SYN3: variants seen among roughly 807,000 people sequenced by gnomAD.
SYN3 encodes synapsin III, also known as synapsin-3.
In SYN3, 35 loss-of-function variants were observed where a neutral mutation model predicts 65.8. The ratio of observed to expected loss-of-function variants is 0.53; its 90% CI spans 0.41 to 0.70. The LOEUF is 0.70. Ranked by LOEUF, SYN3 falls within the 30% of genes least tolerant of loss-of-function variation. The pLI is 0.00. For missense variants in SYN3, 680 were observed against 749.0 expected, an observed-to-expected ratio of 0.91 and a Z score of 1.08; for synonymous variants, 270 against 292.9, an observed-to-expected ratio of 0.92 and a Z score of 0.80.
At chr22:32,521,734 C>T (rs1164876789) in intron 12 of SYN3, among the ~76,000 whole-genome samples, 2 of 152,134 alleles carry the variant, frequency 1.3e-5, no homozygotes, top group Non-Finnish European at 2.9e-5. Flanking sequence ...GTGTGAGTCA[C>T]CGCGCCCAGC....
At chr22:32,539,459 T>C (rs1186738101) in intron 8 of SYN3, among the ~76,000 whole-genome samples, 2 of 151,896 alleles carry the variant, frequency 1.3e-5, no homozygotes, top group South Asian at 2.1e-4. Flanking sequence ...TTTAGCTTCA[T>C]AGGGATGTGG....
At chr22:32,703,077 G>C (rs909458214) in intron 6 of SYN3, among the ~76,000 whole-genome samples, 14 of 151,904 alleles carry the variant, frequency 9.2e-5, no homozygotes, top group African/African-American at 3.4e-4. Context: ...TCACTTCTTG[G>C]GTCTCCTTAA....
rs1191044711 is a variant in SYN3, at chr22:32,927,081, G to C, written c.461+4309C>G. ...GTCACTCAGTAGGCTCAAGGCAATGGCTATTTACCTACCGGTATAGAAAAG... is the reference window on the plus strand; with the variant it reads ...GTCACTCAGTAGGCTCAAGGCAATGCCTATTTACCTACCGGTATAGAAAAG... On this transcript the variant is annotated intron_variant, in intron 4 of 13. Transcript: ENST00000358763. 2.6e-5 allele frequency among the ~76,000 whole-genome samples: 4 copies of C among 152,032 alleles called. No homozygotes were observed. In the East Asian group the frequency reaches 7.7e-4, roughly 29 times the overall value.
At chr22:32,724,306 G>A (rs563380236) in intron 6 of SYN3, among the ~76,000 whole-genome samples, 3 of 152,200 alleles carry the variant, frequency 2.0e-5, no homozygotes, top group Non-Finnish European at 4.4e-5. Flanking sequence ...TGCCCAGGGT[G>A]GCCTCAAACT....
intron 6 of SYN3, among the ~76,000 whole-genome samples, chr22:32,816,532 T>G (rs2047091944): frequency 6.6e-6 from 1 of 152,132 alleles, no homozygotes; most frequent in Non-Finnish European, 1.5e-5. Context: ...TTATTTTTGG[T>G]GAGGAGAACA....
At chr22:33,034,830 A>G (rs766179108) in intron 1 of SYN3, among the ~76,000 whole-genome samples, 2 of 152,110 alleles carry the variant, frequency 1.3e-5, no homozygotes, top group Non-Finnish European at 2.9e-5. Flanking sequence ...TGTCTAGTCT[A>G]TCTCGAGATG....
At chr22:32,749,461 G>A (rs946961180) in intron 6 of SYN3, among the ~76,000 whole-genome samples, 2 of 152,118 alleles carry the variant, frequency 1.3e-5, no homozygotes, top group Non-Finnish European at 2.9e-5. Flanking sequence ...CCAAGATGGT[G>A]AAACCCCGTC....
chr22:32,764,313 C>T (rs1349277644), intron 6 of SYN3, among the ~76,000 whole-genome samples: 4 of 152,146 alleles, frequency 2.6e-5, no homozygotes, highest in African/African-American at 7.2e-5. Flanking sequence ...ACAAAATGTC[C>T]CCGTTTTCTG....
At chr22:32,899,650 A>G (rs1047294498) in intron 4 of SYN3, among the ~76,000 whole-genome samples, 1 of 152,202 alleles carries the variant, frequency 6.6e-6, no homozygotes, top group Non-Finnish European at 1.5e-5. Context: ...TTAGCTTGGA[A>G]ACACCACATA....
intron 6 of SYN3, among the ~76,000 whole-genome samples, chr22:32,629,415 C>T (rs933653825): frequency 2.0e-5 from 3 of 152,094 alleles, no homozygotes; most frequent in Admixed American, 6.6e-5. Flanking sequence ...TTGTTATATA[C>T]AAAAATCTTC....
At chr22:32,780,068 C>CA (rs130536) in intron 6 of SYN3, among the ~76,000 whole-genome samples, 16 of 72,576 alleles carry the variant, frequency 2.2e-4, no homozygotes, top group Middle Eastern at 8.8e-3. Flanking sequence ...GATTCTGTCT[C>CA]AAAAAAAAAA....
intron 6 of SYN3, among the ~76,000 whole-genome samples, chr22:32,757,266 C>T (rs542620189): frequency 1.2e-4 from 18 of 150,334 alleles, no homozygotes; most frequent in African/African-American, 4.4e-4. Context: ...GTTAAGATTG[C>T]CATCTGGACA....
chr22:32,726,229 G>A (rs12172303), intron 6 of SYN3, among the ~76,000 whole-genome samples: 112,452 of 151,892 alleles, frequency 0.74, 42,179 homozygotes, highest in Non-Finnish European at 0.78. Context: ...TGCAACCTCC[G>A]CTTCCCGGGT....
At chr22:33,033,030 G>A (rs75010468) in intron 1 of SYN3, among the ~76,000 whole-genome samples, 1 of 147,164 alleles carries the variant, frequency 6.8e-6, no homozygotes, top group Non-Finnish European at 1.5e-5. Flanking sequence ...TTTTTTTTTT[G>A]AGATGGAGTT....
At chr22:32,780,641 C>G (rs1211037389) in intron 6 of SYN3, among the ~76,000 whole-genome samples, 3 of 152,160 alleles carry the variant, frequency 2.0e-5, no homozygotes, top group Non-Finnish European at 4.4e-5. Context: ...GTCACTGGCT[C>G]AGAGCCTGGG....
At chr22:33,023,319 T>G (rs1277332982) in intron 1 of SYN3, among the ~76,000 whole-genome samples, 1 of 152,142 alleles carries the variant, frequency 6.6e-6, no homozygotes, top group African/African-American at 2.4e-5. Context: ...TGGTAGTGAA[T>G]AAGTCTCATG....
chr22:32,538,625 C>CTGCCCA (rs758628077), intron 8 of SYN3, among the ~76,000 whole-genome samples: 2 of 152,160 alleles, frequency 1.3e-5, no homozygotes, highest in Non-Finnish European at 2.9e-5. Context: ...CGGTGCTCCA[C>CTGCCCA]TGCCCATGGC....
intron 6 of SYN3, among the ~76,000 whole-genome samples, chr22:32,636,604 TG>T (rs1319365752): frequency 7.2e-5 from 11 of 152,130 alleles, no homozygotes; most frequent in Admixed American, 4.6e-4. Flanking sequence ...ACCTTGATCC[TG>T]GGGGGATAAT....
intron 6 of SYN3, among the ~76,000 whole-genome samples, chr22:32,708,568 G>A (rs530209437): frequency 2.0e-5 from 3 of 152,288 alleles, no homozygotes; most frequent in African/African-American, 4.8e-5. Flanking sequence ...AAGCCTCAAG[G>A]GCCAGGGTCT....
Sources: gnomAD v4.1 joint callset for allele counts (sites outside exome capture counted in the v4.1 genomes callset) on GRCh38, gnomAD v4.1.1 for gene constraint, MANE v1.5 for transcripts, NCBI Gene and HGNC (gene_info 2026-07-23, HGNC 2026-07-21) for gene names.